MTREX: variants seen among roughly 807,000 people sequenced by gnomAD.
MTREX encodes Mtr4 exosome RNA helicase.
MTREX carries 76 observed loss-of-function variants against 135.4 expected under a neutral mutation model. The ratio of observed to expected loss-of-function variants is 0.56; its 90% CI spans 0.47 to 0.68. MTREX has a LOEUF of 0.68. Ranked by LOEUF, MTREX falls within the 30% of genes least tolerant of loss-of-function variation. The probability of loss-of-function intolerance (pLI) is 0.00; values close to 1 mark genes in which losing one functional copy is unlikely to be tolerated. For missense variants in MTREX, 920 were observed against 1,262.1 expected (o/e 0.73, Z 4.11); for synonymous variants, 404 against 401.6 (o/e 1.01, Z -0.07).
chr5:55,352,470 A>G (rs998963266), intron 13 of MTREX, among the ~76,000 whole-genome samples: 1 of 152,192 alleles, frequency 6.6e-6, no homozygotes. Flanking sequence ...AAAATGAAAG[A>G]TCATCCCATC....
chr5:55,350,057 C>T (rs886450450), intron 12 of MTREX, among the ~76,000 whole-genome samples: 11 of 152,290 alleles, frequency 7.2e-5, no homozygotes, highest in African/African-American at 2.6e-4. Flanking sequence ...TTTGCTTTGA[C>T]TGTTGAAACA....
intron 15 of MTREX, among the ~76,000 whole-genome samples, chr5:55,359,987 T>C (rs893166206): frequency 1.3e-5 from 2 of 152,122 alleles, no homozygotes; most frequent in African/African-American, 4.8e-5. Context: ...ATTTCCATGG[T>C]TTTTAATATA....
At chr5:55,371,240 T>C (rs1750190096) in intron 16 of MTREX, among the ~76,000 whole-genome samples, 1 of 152,172 alleles carries the variant, frequency 6.6e-6, no homozygotes, top group African/African-American at 2.4e-5. Flanking sequence ...CTATGTTAAA[T>C]GCTCAGTAAG....
chr5:55,398,822 C>T (rs968333992), intron 20 of MTREX, among the ~76,000 whole-genome samples: 1 of 152,272 alleles, frequency 6.6e-6, no homozygotes, highest in Admixed American at 6.5e-5. Context: ...ACATTAATTT[C>T]ATGATAATCT....
chr5:55,314,565 G>A (rs987924600), intron 1 of MTREX, among the ~76,000 whole-genome samples: 6 of 152,238 alleles, frequency 3.9e-5, no homozygotes, highest in African/African-American at 1.4e-4. Flanking sequence ...ATCTCTAGAA[G>A]TGGAAGTGGC....
At chr5:55,310,607 CA>C (rs903057558) in intron 1 of MTREX, among the ~76,000 whole-genome samples, 40 of 138,528 alleles carry the variant, frequency 2.9e-4, no homozygotes, top group Middle Eastern at 3.6e-3. Flanking sequence ...GACTCCATCT[CA>C]AAAAAAAAAA....
intron 1 of MTREX, among the ~76,000 whole-genome samples, chr5:55,320,497 A>C (rs1036397995): frequency 7.2e-5 from 11 of 152,178 alleles, no homozygotes; most frequent in Admixed American, 2.6e-4. Flanking sequence ...GATTACAGGC[A>C]TGAGTCACCC....
At position 55,385,804 on chromosome 5, in the gene MTREX, C is replaced by A. The variant is rs145023104; in HGVS notation, c.2053-2170C>A. Among the ~76,000 whole-genome samples the A allele has an allele frequency of 4.7e-3, 719 of 152,228 alleles. 5 individuals are homozygous for A. Among genetic ancestry groups the A allele is most frequent in the African/African-American group, 0.017 (692 of 41,526 alleles). ...GCTAACATAGTTACAAGTACGCATACACACACAAAAGACATATTTTTAAAA... is the reference window on the plus strand; with the variant it reads ...GCTAACATAGTTACAAGTACGCATAAACACACAAAAGACATATTTTTAAAA... On this transcript the variant is annotated intron_variant, in intron 18 of 26. Coordinates refer to ENST00000230640, the MANE Select transcript of MTREX (RefSeq NM_015360.5).
At chr5:55,405,284 C>A in intron 21 of MTREX, 141 bp from the exon 22 acceptor site, 2 of 584,702 alleles carry the variant, frequency 3.4e-6, no homozygotes, top group East Asian at 5.6e-5. Context: ...TTTCCCCAGT[C>A]TCCCCAGCAC....
chr5:55,315,433 C>T (rs1004793770), intron 1 of MTREX, among the ~76,000 whole-genome samples: 2 of 152,028 alleles, frequency 1.3e-5, no homozygotes, highest in African/African-American at 2.4e-5. Context: ...GCATCTGATC[C>T]GTTTTAAACC....
At chr5:55,393,425 G>T (rs1378921176) in intron 19 of MTREX, among the ~76,000 whole-genome samples, 1 of 152,186 alleles carries the variant, frequency 6.6e-6, no homozygotes, top group African/African-American at 2.4e-5. Flanking sequence ...TGTGTGCCAT[G>T]ACTTGATTAA....
chr5:55,356,482 T>A (rs1406255779), intron 14 of MTREX: 5 of 203,380 alleles, frequency 2.5e-5, no homozygotes, highest in South Asian at 9.8e-5. Flanking sequence ...TGGTGCAGAT[T>A]CTTCGTGGAT....
At chr5:55,406,394 GT>G (rs1256198426) in intron 22 of MTREX, among the ~76,000 whole-genome samples, 1 of 152,184 alleles carries the variant, frequency 6.6e-6, no homozygotes, top group Non-Finnish European at 1.5e-5. Context: ...ATGTGGGCTG[GT>G]TTGGGCTTCT....
intron 23 of MTREX, 74 bp downstream of exon 23, chr5:55,410,703 AT>A: frequency 1.3e-6 from 1 of 776,158 alleles, no homozygotes; most frequent in Non-Finnish European, 2.0e-6. Context: ...TGGCTATATT[AT>A]CAAATATTAC....
intron 5 of MTREX, among the ~76,000 whole-genome samples, chr5:55,335,739 G>T (rs1225440286): frequency 6.6e-6 from 1 of 152,016 alleles, no homozygotes; most frequent in Non-Finnish European, 1.5e-5. Context: ...GCACTTCCAG[G>T]TCTTTTGTAT....
intron 21 of MTREX, among the ~76,000 whole-genome samples, chr5:55,404,273 C>G (rs1750767269): frequency 6.6e-6 from 1 of 152,070 alleles, no homozygotes; most frequent in Non-Finnish European, 1.5e-5. Flanking sequence ...TGTTCTTGTA[C>G]TACTGTATGC....
At chr5:55,423,176 C>A in intron 26 of MTREX, 194 bp downstream of exon 26, 1 of 566,906 alleles carries the variant, frequency 1.8e-6, no homozygotes, top group Non-Finnish European at 3.1e-6. Context: ...CATGCATTTA[C>A]GTATATTAAT....
At chr5:55,366,319 A>C (rs147532216) in intron 15 of MTREX, among the ~76,000 whole-genome samples, 2 of 152,244 alleles carry the variant, frequency 1.3e-5, no homozygotes, top group South Asian at 4.1e-4. Flanking sequence ...TGAGACCTCT[A>C]TCTCTACAAA....
At chr5:55,377,284 G>A (rs976524551) in intron 16 of MTREX, among the ~76,000 whole-genome samples, 5 of 152,024 alleles carry the variant, frequency 3.3e-5, no homozygotes, top group African/African-American at 7.2e-5. Context: ...CCGAGATCAC[G>A]CCACTGCACT....
Sources: gnomAD v4.1 joint callset for allele counts (sites outside exome capture counted in the v4.1 genomes callset) on GRCh38, gnomAD v4.1.1 for gene constraint, MANE v1.5 for transcripts, NCBI Gene and HGNC (gene_info 2026-07-23, HGNC 2026-07-21) for gene names.